PPARG: variants seen among roughly 807,000 people sequenced by gnomAD.
PPARG encodes peroxisome proliferator-activated receptor gamma.
PPARG carries 17 observed loss-of-function variants against 39.2 expected under a neutral mutation model. That is an observed-to-expected ratio of 0.43 (90% CI 0.30 to 0.65). The LOEUF is 0.65. Among genes scored for constraint, PPARG ranks in the 30% least tolerant of loss-of-function variants. The pLI is 0.13. For synonymous variants in PPARG, 223 were observed against 215.7 expected, an observed-to-expected ratio of 1.03 and a Z score of -0.30; for missense variants, 406 against 585.9, an observed-to-expected ratio of 0.69 and a Z score of 3.17.
At chr3:12,375,136 C>T (rs151075217) in intron 2 of PPARG, among the ~76,000 whole-genome samples, 177 of 152,164 alleles carry the variant, frequency 1.2e-3, no homozygotes, top group Middle Eastern at 0.01. Flanking sequence ...CCTATATTCC[C>T]GGAAGTTTGG....
intron 2 of PPARG, among the ~76,000 whole-genome samples, chr3:12,367,470 C>T: frequency 6.6e-6 from 1 of 152,092 alleles, no homozygotes; most frequent in Non-Finnish European, 1.5e-5. Flanking sequence ...ATCCTGTAAT[C>T]TTTTCTGTGT....
intron 2 of PPARG, among the ~76,000 whole-genome samples, chr3:12,376,081 C>G (rs2049396243): frequency 6.6e-6 from 1 of 151,968 alleles, no homozygotes; most frequent in African/African-American, 2.4e-5. Flanking sequence ...TCCCGAGTAG[C>G]TGGGATCACA....
chr3:12,396,554 C>T (rs774979108), intron 5 of PPARG, among the ~76,000 whole-genome samples: 3 of 151,964 alleles, frequency 2.0e-5, no homozygotes, highest in Non-Finnish European at 4.4e-5. Context: ...CTGAGGAGTT[C>T]GAGACCAGCC....
At chr3:12,433,023 C>T (rs1028225096) in intron 7 of PPARG, among the ~76,000 whole-genome samples, 1 of 152,162 alleles carries the variant, frequency 6.6e-6, no homozygotes, top group African/African-American at 2.4e-5. Context: ...TGCAATCTTA[C>T]CACTGAAAAG....
intron 2 of PPARG, among the ~76,000 whole-genome samples, chr3:12,314,591 A>G (rs1012682768): frequency 1.1e-4 from 16 of 152,264 alleles, no homozygotes; most frequent in Non-Finnish European, 1.9e-4. Context: ...ATACAAACAC[A>G]TTCTTCAAAA....
At chr3:12,300,110 G>T (rs1267814256) in intron 1 of PPARG, among the ~76,000 whole-genome samples, 2 of 152,120 alleles carry the variant, frequency 1.3e-5, no homozygotes, top group African/African-American at 4.8e-5. Context: ...AAGTTAAATA[G>T]AATTAATTCT....
rs560347917 is a variant in PPARG at position 12,315,035 on chromosome 3, C to A, written c.-9+2582C>A. ...TAGGTTGCTGTTAATTATATTTACC[C>A]CACAGTGCTATAGATCATTAGAACT... is the stretch of plus-strand genomic sequence containing the variant. On this transcript the variant is annotated intron_variant, in intron 2 of 7. Coordinates refer to ENST00000651735, the MANE Select transcript of PPARG (RefSeq NM_138711.6). Among the ~76,000 whole-genome samples, 529 of 152,174 alleles carry A rather than the reference C, an allele frequency of 3.5e-3. 4 individuals are homozygous for A. The highest frequency in any genetic ancestry group is 0.027 in the Middle Eastern group (8 of 294).
chr3:12,410,111 G>A (rs183878921), intron 6 of PPARG, among the ~76,000 whole-genome samples: 4 of 152,272 alleles, frequency 2.6e-5, no homozygotes, highest in East Asian at 1.9e-4. Context: ...ATAGATTGCC[G>A]GACAAGAAAT....
chr3:12,398,075 C>A (rs867398196), intron 5 of PPARG, among the ~76,000 whole-genome samples: 2 of 152,134 alleles, frequency 1.3e-5, no homozygotes, highest in Non-Finnish European at 2.9e-5. Context: ...TTTTCTGATT[C>A]CCTGCTCTTC....
intron 2 of PPARG, among the ~76,000 whole-genome samples, chr3:12,356,201 G>C (rs191454710): frequency 6.6e-6 from 1 of 152,260 alleles, no homozygotes; most frequent in East Asian, 1.9e-4. Flanking sequence ...ATGGAATTAA[G>C]TTTCTGTAAA....
intron 2 of PPARG, among the ~76,000 whole-genome samples, chr3:12,316,587 G>T (rs556402980): frequency 8.6e-5 from 13 of 151,732 alleles, no homozygotes; most frequent in Non-Finnish European, 1.3e-4. Context: ...ATTTTATATT[G>T]TGTATATTTT....
chr3:12,333,518 G>T (rs2047920589), intron 2 of PPARG, among the ~76,000 whole-genome samples: 1 of 152,150 alleles, frequency 6.6e-6, no homozygotes. Context: ...AGGCTGGAGT[G>T]CAGTGGTGCC....
intron 2 of PPARG, 57 bp from the exon 3 acceptor site, chr3:12,379,647 T>G: frequency 9.0e-5 from 131 of 1,457,636 alleles, no homozygotes; most frequent in Middle Eastern, 1.7e-4. Context: ...TGAAACTCTG[T>G]GAGATTGCTG....
intron 2 of PPARG, among the ~76,000 whole-genome samples, chr3:12,317,172 G>A (rs1202943746): frequency 6.6e-6 from 1 of 152,142 alleles, no homozygotes; most frequent in Non-Finnish European, 1.5e-5. Context: ...TATGAATTCA[G>A]GGCTTGAGTG....
At chr3:12,294,158 C>T (rs1175019741) in intron 1 of PPARG, among the ~76,000 whole-genome samples, 3 of 152,150 alleles carry the variant, frequency 2.0e-5, no homozygotes, top group Non-Finnish European at 4.4e-5. Context: ...ATGCATGTCC[C>T]AGTTTCCTCA....
chr3:12,370,439 C>T (rs1315241155), intron 2 of PPARG, among the ~76,000 whole-genome samples: 1 of 151,874 alleles, frequency 6.6e-6, no homozygotes, highest in African/African-American at 2.4e-5. Flanking sequence ...CTTAGTCATT[C>T]TAAGGTTAAA....
At position 12,392,759 on chromosome 3, in the gene PPARG, A is replaced by T. The variant is rs2050125692; in HGVS notation, c.529+7A>T. ...GTGGGGATGTCTCATAATGGTAAGTAAACAGTCATCACCATATACTTTATT... is the reference window on the plus strand; with the variant it reads ...GTGGGGATGTCTCATAATGGTAAGTTAACAGTCATCACCATATACTTTATT... On this transcript the variant is annotated splice_region_variant and intron_variant, in intron 5 of 7. Coordinates refer to ENST00000651735, the MANE Select transcript of PPARG (RefSeq NM_138711.6). 6.2e-7 allele frequency: 1 copy of T among 1,613,534 alleles called. No homozygotes were observed. The highest frequency in any genetic ancestry group is 1.3e-5 in the African/African-American group (1 of 74,908).
At chr3:12,337,570 A>G (rs1214894871) in intron 2 of PPARG, among the ~76,000 whole-genome samples, 1 of 152,118 alleles carries the variant, frequency 6.6e-6, no homozygotes, top group Non-Finnish European at 1.5e-5. Context: ...TCCTTTCCCT[A>G]TCTCCACTTG....
At chr3:12,338,501 G>T (rs1279276485) in intron 2 of PPARG, among the ~76,000 whole-genome samples, 1 of 152,116 alleles carries the variant, frequency 6.6e-6, no homozygotes, top group African/African-American at 2.4e-5. Context: ...TGTATTAAAT[G>T]TAACTTAAAT....
Sources: gnomAD v4.1 joint callset for allele counts (sites outside exome capture counted in the v4.1 genomes callset) on GRCh38, gnomAD v4.1.1 for gene constraint, MANE v1.5 for transcripts, NCBI Gene and HGNC (gene_info 2026-07-23, HGNC 2026-07-21) for gene names.